The following KIF13A variants were observed in gnomAD, a reference collection of about 807,000 sequenced individuals.
The protein encoded by KIF13A is kinesin-like protein KIF13A.
Under a neutral mutation model 212.2 loss-of-function variants are expected in KIF13A, and 79 were observed. That is an observed-to-expected ratio of 0.37 (90% CI 0.31 to 0.45). The LOEUF (loss-of-function observed/expected upper bound fraction) is 0.45. KIF13A is among the 20% of genes least tolerant of loss of function. The pLI is 1.00. For missense variants in KIF13A, 1,901 were observed against 2,209.0 expected (o/e 0.86, Z 2.79); for synonymous variants, 789 against 808.6 (o/e 0.98, Z 0.41).
intron 2 of KIF13A, among the ~76,000 whole-genome samples, chr6:17,975,516 G>T (rs947358329): frequency 6.6e-6 from 1 of 152,148 alleles, no homozygotes; most frequent in Non-Finnish European, 1.5e-5. Flanking sequence ...CAAAAAGGGA[G>T]CAGCAACATA....
Position 17,799,758 on chromosome 6 carries a change from CT to C in KIF13A, c.2616+193del, listed in dbSNP as rs1264552913. 2.6e-5 allele frequency among the ~76,000 whole-genome samples: 4 copies of C among 152,174 alleles called. No individual in the cohort carries two copies. The highest frequency in any genetic ancestry group is 5.9e-5 in the Non-Finnish European group (4 of 68,032). Reference sequence around the variant, plus strand: ...TTCTTGCATGTCAAATACATAAACACTTTTGAAATTTGATGCAACTGTCATA... The same window carrying C: ...TTCTTGCATGTCAAATACATAAACACTTTGAAATTTGATGCAACTGTCATA... On this transcript the variant is annotated intron_variant, in intron 21 of 38. Coordinates refer to ENST00000259711, the MANE Select transcript of KIF13A (RefSeq NM_022113.6). This position sits in a 1 kb window ranked among gnomAD's most constrained non-coding sequence, Gnocchi z 4.4.
rs1332616830 is a variant in KIF13A at position 17,982,856 on chromosome 6, C to A, written c.146+4198G>T. ...TGAATGTAAAAAAGAATGAGTAAGT[C>A]TTAATATGCTGATATTGAAAGATAC... On this transcript the variant is annotated intron_variant, in intron 2 of 38. Coordinates refer to ENST00000259711, the MANE Select transcript of KIF13A (RefSeq NM_022113.6). The surrounding 1 kb of genome is among the most constrained non-coding windows in gnomAD (Gnocchi z 5.1). 6.6e-6 allele frequency among the ~76,000 whole-genome samples: 1 copy of A among 152,120 alleles called. No individual in the cohort carries two copies. Among genetic ancestry groups the A allele is most frequent in the South Asian group, 2.1e-4 (1 of 4,824 alleles).
At chr6:17,775,194 C>T (rs2150297856) in intron 34 of KIF13A, 132 bp from the exon 35 acceptor site, 1 of 664,836 alleles carries the variant, frequency 1.5e-6, no homozygotes, top group Admixed American at 3.0e-5. Context: ...CTTCCCTCTC[C>T]AGGAGTAGTG....
intron 2 of KIF13A, among the ~76,000 whole-genome samples, chr6:17,973,645 T>G (rs1780018101): frequency 6.6e-6 from 1 of 152,026 alleles, no homozygotes; most frequent in African/African-American, 2.4e-5. Flanking sequence ...TTACAGACTA[T>G]CTAGTCCAGC....
chr6:17,798,838 T>C (rs1176708762), intron 22 of KIF13A, among the ~76,000 whole-genome samples: 1 of 152,216 alleles, frequency 6.6e-6, no homozygotes, highest in Non-Finnish European at 1.5e-5. Context: ...AATGCTATAT[T>C]CATAAGAATC....
chr6:17,893,832 C>CTTTTTTT (rs139288852), intron 3 of KIF13A, among the ~76,000 whole-genome samples: 11 of 77,328 alleles, frequency 1.4e-4, no homozygotes, highest in African/African-American at 1.8e-4. Context: ...TTTCCTGCAT[C>CTTTTTTT]TTTTTTTTTT....
chr6:17,977,633 T>C (rs150042685), intron 2 of KIF13A, among the ~76,000 whole-genome samples: 251 of 152,364 alleles, frequency 1.6e-3, no homozygotes, highest in African/African-American at 5.8e-3. Flanking sequence ...CAAATATTTG[T>C]ATTACATGGG....
At position 17,825,714 on chromosome 6, in the gene KIF13A, T is replaced by A. The variant is rs796713609; in HGVS notation, c.1786+54A>T. ...TGATGCATGCTTATCCCTCACTGAA[T>A]GGTGTGAGGTGAGGAAATGCCCAAG... is the stretch of plus-strand genomic sequence containing the variant. On this transcript the variant is annotated intron_variant, in intron 16 of 38. Coordinates refer to ENST00000259711, the MANE Select transcript of KIF13A (RefSeq NM_022113.6). This position sits in a 1 kb window ranked among gnomAD's most constrained non-coding sequence, Gnocchi z 4.5. 1.3e-6 allele frequency: 2 copies of A among 1,497,238 alleles called. No individual in the cohort carries two copies. Among genetic ancestry groups the A allele is most frequent in the African/African-American group, 2.8e-5 (2 of 71,506 alleles). The allele number at this position is 1,497,238 out of a possible 1,614,324, so 92.7% of individuals were successfully genotyped here.
rs963039217 is a variant in KIF13A, at chr6:17,789,608, T to C, written c.3261+264A>G. Among the ~76,000 whole-genome samples the C allele has an allele frequency of 2.0e-5, 3 of 152,182 alleles. No homozygotes were observed. Among genetic ancestry groups the C allele is most frequent in the African/African-American group, 7.2e-5 (3 of 41,450 alleles). On this transcript the variant is annotated intron_variant, in intron 26 of 38. Coordinates refer to ENST00000259711, the MANE Select transcript of KIF13A (RefSeq NM_022113.6). This position sits in a 1 kb window ranked among gnomAD's most constrained non-coding sequence, Gnocchi z 4.8. The stretch of plus-strand genomic sequence containing the variant: ...CTCCAGATCATCCATTTTAATACAG[T>C]GATAATGGTCTTGCTTAGCAATAAG...
At chr6:17,868,989 C>CAAAAAAAAAAAAAAAAA (rs71002278) in intron 4 of KIF13A, among the ~76,000 whole-genome samples, 7 of 20,920 alleles carry the variant, frequency 3.3e-4, no homozygotes, top group African/African-American at 4.2e-4. Context: ...GACTCCCTCT[C>CAAAAAAAAAAAAAAAAA]AAAAAAAAAA....
At chr6:17,815,272 G>A (rs996862687) in intron 17 of KIF13A, among the ~76,000 whole-genome samples, 2 of 151,016 alleles carry the variant, frequency 1.3e-5, no homozygotes, top group Non-Finnish European at 2.9e-5. Flanking sequence ...GACCAGGAGA[G>A]TGACCACTGA....
chr6:17,920,722 AAATTAG>A (rs879358381), intron 2 of KIF13A, among the ~76,000 whole-genome samples: 1 of 151,932 alleles, frequency 6.6e-6, no homozygotes, highest in Admixed American at 6.6e-5. Context: ...AAAAATACAA[AAATTAG>A]CTGGGCCTGG....
At chr6:17,835,001 A>G (rs1298315067) in intron 11 of KIF13A, among the ~76,000 whole-genome samples, 2 of 151,970 alleles carry the variant, frequency 1.3e-5, no homozygotes, top group Admixed American at 6.6e-5. Flanking sequence ...TAACATGGCG[A>G]AACCCTGTCT....
At chr6:17,962,509 G>A (rs547203487) in intron 2 of KIF13A, among the ~76,000 whole-genome samples, 9 of 152,238 alleles carry the variant, frequency 5.9e-5, no homozygotes, top group African/African-American at 2.2e-4. Context: ...CCACAGAGAT[G>A]AGCACAGCCA....
In KIF13A at chr6:17,926,540, G is replaced by A. The variant is rs750536618; in HGVS notation, c.147-28360C>T. Among the ~76,000 whole-genome samples the A allele has an allele frequency of 3.3e-5, 5 of 151,906 alleles. No homozygotes were observed. The highest frequency in any genetic ancestry group is 7.4e-5 in the Non-Finnish European group (5 of 67,962). On this transcript the variant is annotated intron_variant, in intron 2 of 38. Transcript: ENST00000259711. The surrounding 1 kb of genome is among the most constrained non-coding windows in gnomAD (Gnocchi z 4.3). ...AGCCACCATGCCTGGCCCCTGGTAC[G>A]TTTCTTTAAAACACATGTAGGAGGT...
chr6:17,778,519 A>C (rs1212114771), intron 33 of KIF13A, among the ~76,000 whole-genome samples: 1 of 152,106 alleles, frequency 6.6e-6, no homozygotes, highest in East Asian at 1.9e-4. Flanking sequence ...TCTAAAAATT[A>C]GGGAGATAGT....
chr6:17,785,737 AC>A lies in KIF13A; in HGVS notation c.3362-97del. On this transcript the variant is annotated intron_variant, in intron 27 of 38. Coordinates refer to ENST00000259711, the MANE Select transcript of KIF13A (RefSeq NM_022113.6). The surrounding 1 kb of genome is among the most constrained non-coding windows in gnomAD (Gnocchi z 5.8). ...ATTTCAGCCTGGGCAACATAGTGAG[AC>A]CCCATCTCTACCAAAAAAAAAAAAA... The A allele has an allele frequency of 7.7e-7, 1 of 1,300,414 alleles. No individual in the cohort carries two copies. The highest frequency in any genetic ancestry group is 1.1e-6 in the Non-Finnish European group (1 of 941,590). The allele number at this position is 1,300,414 out of a possible 1,614,324, so 80.6% of individuals were successfully genotyped here.
Position 17,900,986 on chromosome 6 carries a change from G to A in KIF13A, c.147-2806C>T, listed in dbSNP as rs1773010115. On this transcript the variant is annotated intron_variant, in intron 2 of 38. Transcript: ENST00000259711. The surrounding 1 kb of genome is among the most constrained non-coding windows in gnomAD (Gnocchi z 4.6). Reference sequence around the variant, plus strand: ...CCAGCTACTTGGGAGGCTGAGGCAGGAGAATGGCGTGAACCCAGGAGGCGG... The same window carrying A: ...CCAGCTACTTGGGAGGCTGAGGCAGAAGAATGGCGTGAACCCAGGAGGCGG... 6.6e-6 allele frequency among the ~76,000 whole-genome samples: 1 copy of A among 151,062 alleles called. No individual in the cohort carries two copies. Among genetic ancestry groups the A allele is most frequent in the African/African-American group, 2.4e-5 (1 of 40,976 alleles).
At chr6:17,808,403 A>T (rs1763162341) in intron 18 of KIF13A, among the ~76,000 whole-genome samples, 1 of 151,964 alleles carries the variant, frequency 6.6e-6, no homozygotes, top group Non-Finnish European at 1.5e-5. Flanking sequence ...ACAAACAAAC[A>T]AACAAACAAA....
Sources: gnomAD v4.1 joint callset for allele counts (sites outside exome capture counted in the v4.1 genomes callset) on GRCh38, gnomAD v4.1.1 for gene constraint, Gnocchi (gnomAD v3.1) non-coding constraint, MANE v1.5 for transcripts, NCBI Gene and HGNC (gene_info 2026-07-23, HGNC 2026-07-21) for gene names.